The following NFIX variants were observed in gnomAD, a reference collection of about 807,000 sequenced individuals.
NFIX encodes the protein nuclear factor I X.
In NFIX, 2 loss-of-function variants were observed where a neutral mutation model predicts 53.3. The ratio of observed to expected loss-of-function variants is 0.04; its 90% confidence interval spans 0.02 to 0.12. NFIX has a LOEUF of 0.12. NFIX is among the 10% of genes least tolerant of loss of function. NFIX has a pLI of 1.00. For synonymous variants in NFIX, 244 were observed against 289.0 expected, an observed-to-expected ratio of 0.84 and a Z score of 1.58; for missense variants, 310 against 674.5, an observed-to-expected ratio of 0.46 and a Z score of 5.99.
chr19:13,012,882 T>G lies in NFIX; in HGVS notation c.28-12139T>G, dbSNP rs1431142239. ...AGCCTCACCTTCAATCCCCGAGCCT[T>G]CTCTTTTGGGGGAGTAAAGGCGGGG... On this transcript the variant is annotated intron_variant, in intron 1 of 10. Coordinates refer to ENST00000592199, the MANE Select transcript of NFIX (RefSeq NM_001365902.3). This position sits in a 1 kb window ranked among gnomAD's most constrained non-coding sequence, Gnocchi z 5.0. 2.6e-5 allele frequency among the ~76,000 whole-genome samples: 4 copies of G among 151,916 alleles called. No homozygotes were observed. Among genetic ancestry groups the G allele is most frequent in the Non-Finnish European group, 5.9e-5 (4 of 67,972 alleles).
At chr19:13,023,952 C>A in intron 1 of NFIX, 1 of 1,088,316 alleles carries the variant, frequency 9.2e-7, no homozygotes. Flanking sequence ...CCCCCTCCCC[C>A]CACCCGCCCC....
At chr19:13,075,446 C>A in intron 5 of NFIX, 89 bp from the exon 6 acceptor site, 1 of 1,456,482 alleles carries the variant, frequency 6.9e-7, no homozygotes, top group Non-Finnish European at 9.4e-7. Flanking sequence ...AGAGGGCCAT[C>A]TATGCACAGT....
At chr19:13,016,686 C>T (rs545926422) in intron 1 of NFIX, among the ~76,000 whole-genome samples, 14 of 144,712 alleles carry the variant, frequency 9.7e-5, no homozygotes, top group African/African-American at 3.1e-4. Context: ...ATCTTGTAGT[C>T]TGACAGTATA....
At position 13,027,311 on chromosome 19, in the gene NFIX, TC is replaced by T. The variant is rs2013445366; in HGVS notation, c.559+1760del. Reference sequence around the variant, plus strand: ...CCTTCAGCTTGAATTTTTTCTTTTGTCTTTTTTCTTTTTGGAAAACAGACTG... The same window carrying T: ...CCTTCAGCTTGAATTTTTTCTTTTGTTTTTTTCTTTTTGGAAAACAGACTG... On this transcript the variant is annotated intron_variant, in intron 2 of 10. Coordinates refer to ENST00000592199, the MANE Select transcript of NFIX (RefSeq NM_001365902.3). This position sits in a 1 kb window ranked among gnomAD's most constrained non-coding sequence, Gnocchi z 4.3. Among the ~76,000 whole-genome samples, 1 of 152,148 alleles carries T rather than the reference TC, an allele frequency of 6.6e-6. No individual in the cohort carries two copies. The highest frequency in any genetic ancestry group is 6.6e-5 in the Admixed American group (1 of 15,264).
rs779198780 is a variant in NFIX at position 13,094,204 on chromosome 19, ACT to A, written c.1495-429_1495-428del. Among the ~76,000 whole-genome samples the A allele has an allele frequency of 2.0e-4, 31 of 152,104 alleles. No homozygotes were observed. Among genetic ancestry groups the A allele is most frequent in the East Asian group, 1.9e-4 (1 of 5,184 alleles). On this transcript the variant is annotated intron_variant, in intron 10 of 10. Transcript: ENST00000592199. The surrounding 1 kb of genome is among the most constrained non-coding windows in gnomAD (Gnocchi z 4.3). ...TTTAATCCAAAGAGACAGAAAGAAA[ACT>A]CAGCAAGAAGCTGGGCCACCCCCAA...
chr19:13,010,153 C>G (rs1457360901), intron 1 of NFIX, among the ~76,000 whole-genome samples: 1 of 152,200 alleles, frequency 6.6e-6, no homozygotes. Flanking sequence ...TTGCCTCGGC[C>G]AAAACCAACA....
At position 13,094,748 on chromosome 19, in the gene NFIX, C is replaced by A; in HGVS notation, c.*99C>A. ...GGAAAAATCCCCCAGCCCAGCCCAG[C>A]CCCACCGAAAAGCAAAAATTACACG... On this transcript the variant is annotated 3_prime_UTR_variant, in exon 11 of 11. Transcript: ENST00000592199. The surrounding 1 kb of genome is among the most constrained non-coding windows in gnomAD (Gnocchi z 4.3). 7.4e-7 allele frequency: 1 copy of A among 1,349,798 alleles called. No homozygotes were observed. Among genetic ancestry groups the A allele is most frequent in the Non-Finnish European group, 1.0e-6 (1 of 983,786 alleles). 83.6% of individuals were successfully genotyped at this position (1,349,798 alleles called of 1,614,324 possible).
At position 13,066,446 on chromosome 19, in the gene NFIX, C is replaced by T. The variant is rs145591031; in HGVS notation, c.560-6601C>T. Among the ~76,000 whole-genome samples, 827 of 151,200 alleles carry T rather than the reference C, an allele frequency of 5.5e-3. 7 individuals are homozygous for T. Among genetic ancestry groups the T allele is most frequent in the African/African-American group, 0.019 (802 of 41,310 alleles). ...ACATGTGGGTGTCACTCGGTTTCTT[C>T]CTCTTTCCTGTCACTTATCCCCTCT... is the stretch of plus-strand genomic sequence containing the variant. On this transcript the variant is annotated intron_variant, in intron 2 of 10. Coordinates refer to ENST00000592199, the MANE Select transcript of NFIX (RefSeq NM_001365902.3). The surrounding 1 kb of genome is among the most constrained non-coding windows in gnomAD (Gnocchi z 4.2).
chr19:13,071,696 A>G (rs1445278226), intron 2 of NFIX, among the ~76,000 whole-genome samples: 1 of 152,230 alleles, frequency 6.6e-6, no homozygotes, highest in African/African-American at 2.4e-5. Context: ...GTGGAGGGGA[A>G]GTGGAGCCTG....
rs1012045310 is a variant in NFIX, at chr19:13,052,055, G to T, written c.560-20992G>T. Among the ~76,000 whole-genome samples the T allele has an allele frequency of 2.6e-5, 4 of 152,152 alleles. No homozygotes were observed. The highest frequency in any genetic ancestry group is 2.6e-4 in the Admixed American group (4 of 15,280). On this transcript the variant is annotated intron_variant, in intron 2 of 10. Coordinates refer to ENST00000592199, the MANE Select transcript of NFIX (RefSeq NM_001365902.3). The surrounding 1 kb of genome is among the most constrained non-coding windows in gnomAD (Gnocchi z 5.2). ...CTGTCTTTCCTTTGCTGTCCACTCT[G>T]CTTGCAGGATTTGGGACCAAACGCC...
At position 13,089,281 on chromosome 19, in the gene NFIX, T is replaced by C. The variant is rs2017993061; in HGVS notation, c.1403-1018T>C. Among the ~76,000 whole-genome samples the C allele has an allele frequency of 2.0e-5, 3 of 152,144 alleles. No homozygotes were observed. The South Asian group carries it at 6.2e-4, about 32-fold the overall frequency. ...TGAGCATGGAGTCCCTGGGTGTGTC[T>C]GGTGCAGGGCAGCGGCGGGCCTTCC... On this transcript the variant is annotated intron_variant, in intron 9 of 10. Coordinates refer to ENST00000592199, the MANE Select transcript of NFIX (RefSeq NM_001365902.3). The surrounding 1 kb of genome is among the most constrained non-coding windows in gnomAD (Gnocchi z 4.8).
At chr19:13,018,005 C>T (rs777942363) in intron 1 of NFIX, among the ~76,000 whole-genome samples, 20 of 152,160 alleles carry the variant, frequency 1.3e-4, no homozygotes, top group Non-Finnish European at 2.6e-4. Context: ...TGCAGCCTGC[C>T]GGCTGGAGAA....
At position 13,021,690 on chromosome 19, in the gene NFIX, T is replaced by C. The variant is rs2012961062; in HGVS notation, c.28-3331T>C. On this transcript the variant is annotated intron_variant, in intron 1 of 10. Transcript: ENST00000592199. This position sits in a 1 kb window ranked among gnomAD's most constrained non-coding sequence, Gnocchi z 4.2. ...TTTTATGTCATATCTATTTCCTTCTTACTGTGTTTCGAAGGCCTCAAGCAT... is the reference window on the plus strand; with the variant it reads ...TTTTATGTCATATCTATTTCCTTCTCACTGTGTTTCGAAGGCCTCAAGCAT... 6.6e-6 allele frequency among the ~76,000 whole-genome samples: 1 copy of C among 152,106 alleles called. No individual in the cohort carries two copies. Among genetic ancestry groups the C allele is most frequent in the Non-Finnish European group, 1.5e-5 (1 of 68,026 alleles).
In NFIX at chr19:13,081,966, G is replaced by A; in HGVS notation, c.1254+111G>A. ...AAAAGCCAGGAGCCCACCTGGGGCT[G>A]GAGCAGCAGGGAGCTGGTAGTACCA... On this transcript the variant is annotated intron_variant, in intron 8 of 10. Transcript: ENST00000592199. This position sits in a 1 kb window ranked among gnomAD's most constrained non-coding sequence, Gnocchi z 4.7. 1 of 1,249,484 alleles carries A rather than the reference G, an allele frequency of 8.0e-7. No individual in the cohort carries two copies. The highest frequency in any genetic ancestry group is 1.1e-6 in the Non-Finnish European group (1 of 892,388). 77.4% of individuals were successfully genotyped at this position (1,249,484 alleles called of 1,614,324 possible).
chr19:13,089,730 T>C lies in NFIX; in HGVS notation c.1403-569T>C. On this transcript the variant is annotated intron_variant, in intron 9 of 10. Transcript: ENST00000592199. This position sits in a 1 kb window ranked among gnomAD's most constrained non-coding sequence, Gnocchi z 4.8. ...TGGTCCTTGGGCCTGCCCAGAGTGG[T>C]AAGAGGTGTAGCATCTAGCTAGGCC... is the stretch of plus-strand genomic sequence containing the variant. 6.6e-6 allele frequency among the ~76,000 whole-genome samples: 1 copy of C among 152,138 alleles called. No individual in the cohort carries two copies. Among genetic ancestry groups the C allele is most frequent in the Non-Finnish European group, 1.5e-5 (1 of 67,976 alleles).
intron 2 of NFIX, among the ~76,000 whole-genome samples, chr19:13,062,571 C>G (rs1469735756): frequency 5.3e-5 from 8 of 152,192 alleles, no homozygotes; most frequent in Non-Finnish European, 1.0e-4. Flanking sequence ...GCCTGGTGGC[C>G]AGGTCTCTGG....
At chr19:13,086,952 C>G (rs1334212021) in intron 8 of NFIX, among the ~76,000 whole-genome samples, 2 of 152,342 alleles carry the variant, frequency 1.3e-5, no homozygotes, top group African/African-American at 4.8e-5. Flanking sequence ...CTCTCTGGGT[C>G]TCGCATCCGG....
At chr19:13,024,574 TCTGTGCAGA>T in intron 1 of NFIX, 1 of 1,535,410 alleles carries the variant, frequency 6.5e-7, no homozygotes, top group Non-Finnish European at 8.7e-7. Flanking sequence ...TCCACGGGCG[TCTGTGCAGA>T]CGGACACTGT....
Position 13,009,129 on chromosome 19 carries a change from TGTC to T in NFIX, c.27+13269_27+13271del, listed in dbSNP as rs1160335415. 1.3e-5 allele frequency among the ~76,000 whole-genome samples: 2 copies of T among 152,152 alleles called. No individual in the cohort carries two copies. The highest frequency in any genetic ancestry group is 2.9e-5 in the Non-Finnish European group (2 of 68,032). On this transcript the variant is annotated intron_variant, in intron 1 of 10. Transcript: ENST00000592199. The surrounding 1 kb of genome is among the most constrained non-coding windows in gnomAD (Gnocchi z 4.7). ...AGCACCGCCGCACACCGGCACAATCTGTCGTCCACGCACAGTCTCACACACAAC... is the reference window on the plus strand; with the variant it reads ...AGCACCGCCGCACACCGGCACAATCTGTCCACGCACAGTCTCACACACAAC...
Sources: allele counts gnomAD v4.1 joint callset (sites outside exome capture counted in the v4.1 genomes callset), GRCh38; gene constraint gnomAD v4.1.1; non-coding constraint Gnocchi (gnomAD v3.1); transcripts MANE v1.5; gene names NCBI Gene and HGNC (gene_info 2026-07-23, HGNC 2026-07-21).